The following CCDC138 variants were observed in gnomAD, a reference collection of about 807,000 sequenced individuals.
CCDC138 encodes coiled-coil domain-containing protein 138.
CCDC138 carries 66 observed loss-of-function variants against 82.3 expected under a neutral mutation model. That is an observed-to-expected ratio of 0.80 (90% CI 0.66 to 0.98). CCDC138 has a LOEUF of 0.98. CCDC138 is among the 50% of genes least tolerant of loss of function. The pLI is 0.00. For missense variants in CCDC138, 816 were observed against 758.9 expected, an observed-to-expected ratio of 1.08 and a Z score of -0.88; for synonymous variants, 297 against 265.4, an observed-to-expected ratio of 1.12 and a Z score of -1.16.
intron 10 of CCDC138, 174 bp from the exon 11 acceptor site, chr2:108,839,010 TA>T (rs1338871146): frequency 4.4e-6 from 1 of 225,052 alleles, no homozygotes; most frequent in Non-Finnish European, 7.4e-6. Flanking sequence ...ATATAAGAAC[TA>T]AAATACATAT....
At chr2:108,873,282 T>G in intron 13 of CCDC138, 169 bp from the exon 14 acceptor site, 1 of 211,684 alleles carries the variant, frequency 4.7e-6, no homozygotes, top group Non-Finnish European at 6.9e-6. Flanking sequence ...AGCCAGTGGA[T>G]GTTTTAATTT....
intron 1 of CCDC138, among the ~76,000 whole-genome samples, chr2:108,787,543 A>C (rs1334650384): frequency 6.6e-6 from 1 of 152,226 alleles, no homozygotes; most frequent in Non-Finnish European, 1.5e-5. Flanking sequence ...AATATTTGGT[A>C]ATCTAGAGTT....
At chr2:108,830,925 A>G (rs180989987) in intron 10 of CCDC138, among the ~76,000 whole-genome samples, 31 of 152,280 alleles carry the variant, frequency 2.0e-4, no homozygotes, top group African/African-American at 7.2e-4. Flanking sequence ...CTGTAGTCCC[A>G]GCACTTTGGG....
chr2:108,789,212 A>G (rs924721407), intron 3 of CCDC138, among the ~76,000 whole-genome samples: 3 of 152,232 alleles, frequency 2.0e-5, no homozygotes, highest in African/African-American at 7.2e-5. Context: ...TATATAATGT[A>G]AAAGATGAAA....
At chr2:108,796,088 G>T (rs1207395326) in intron 5 of CCDC138, among the ~76,000 whole-genome samples, 2 of 152,086 alleles carry the variant, frequency 1.3e-5, no homozygotes, top group African/African-American at 2.4e-5. Flanking sequence ...CTCACTCTGT[G>T]CCCAGGCTGG....
At chr2:108,790,468 T>A (rs1056776040) in intron 3 of CCDC138, among the ~76,000 whole-genome samples, 1 of 152,170 alleles carries the variant, frequency 6.6e-6, no homozygotes, top group Non-Finnish European at 1.5e-5. Context: ...TATTGAGTAC[T>A]TGAAATGGGG....
chr2:108,834,071 G>A (rs892742874), intron 10 of CCDC138, among the ~76,000 whole-genome samples: 2 of 151,062 alleles, frequency 1.3e-5, no homozygotes, highest in Admixed American at 6.6e-5. Context: ...TTTTGCAGTA[G>A]ATCGAATAAT....
At chr2:108,789,328 C>T (rs1679515744) in intron 3 of CCDC138, among the ~76,000 whole-genome samples, 1 of 152,130 alleles carries the variant, frequency 6.6e-6, no homozygotes, top group Non-Finnish European at 1.5e-5. Flanking sequence ...TGCGGTGGCT[C>T]ACGCCTGTAA....
chr2:108,810,904 A>T lies in CCDC138; in HGVS notation c.856-1727A>T, dbSNP rs1447611046. 2.6e-5 allele frequency among the ~76,000 whole-genome samples: 4 copies of T among 152,088 alleles called. No homozygotes were observed. In the South Asian group the frequency reaches 8.3e-4, roughly 32 times the overall value. ...CTAGTTTTCTGTTTCTTCTTGGTTC[A>T]GTCTTACGTTATATGTGCCTAGGAG... On this transcript the variant is annotated intron_variant, in intron 7 of 14. Coordinates refer to ENST00000295124, the MANE Select transcript of CCDC138 (RefSeq NM_144978.3).
chr2:108,787,087 C>A (rs62151258), intron 1 of CCDC138, among the ~76,000 whole-genome samples, 172 bp downstream of exon 1: 7 of 151,848 alleles, frequency 4.6e-5, no homozygotes, highest in Non-Finnish European at 1.0e-4. Context: ...GCGGGCGTTG[C>A]GCTGCGGGGG....
intron 10 of CCDC138, among the ~76,000 whole-genome samples, chr2:108,831,047 T>TGC (rs1465156960): frequency 6.6e-6 from 1 of 151,856 alleles, no homozygotes; most frequent in Non-Finnish European, 1.5e-5. Context: ...TGGTGGTGCA[T>TGC]AACTGTAATC....
rs1458942799 is a variant in CCDC138 at position 108,815,938 on chromosome 2, T to C, written c.1042-3T>C. The C allele has an allele frequency of 4.4e-6, 7 of 1,599,442 alleles. No individual in the cohort carries two copies. Among genetic ancestry groups the C allele is most frequent in the African/African-American group, 1.4e-5 (1 of 74,036 alleles). On this transcript the variant is annotated splice_polypyrimidine_tract_variant and splice_region_variant and intron_variant, in intron 9 of 14. Coordinates refer to ENST00000295124, the MANE Select transcript of CCDC138 (RefSeq NM_144978.3). ...AATAAATGATTTAATTTTTGACATA[T>C]AGGTACCACTTAATGGGCAAGTTTA...
chr2:108,882,167 AG>A (rs1167884746), intron 1 of CCDC138: 4 of 152,434 alleles, frequency 2.6e-5, no homozygotes, highest in South Asian at 2.1e-4. Context: ...AAAAAAAAAA[AG>A]AAAAAATAGA....
chr2:108,881,116 T>C (rs1696279242), downstream of CCDC138, among the ~76,000 whole-genome samples: 1 of 152,232 alleles, frequency 6.6e-6, no homozygotes, highest in African/African-American at 2.4e-5. Flanking sequence ...GGTCTTCCAA[T>C]AGAAGGCTGT....
At chr2:108,793,729 T>C (rs1393037749) in intron 4 of CCDC138, among the ~76,000 whole-genome samples, 1 of 151,860 alleles carries the variant, frequency 6.6e-6, no homozygotes, top group East Asian at 2.0e-4. Context: ...CCCGAGTAGC[T>C]GGGACTACAG....
intron 10 of CCDC138, among the ~76,000 whole-genome samples, chr2:108,827,110 C>G (rs1307182401): frequency 6.6e-6 from 1 of 152,078 alleles, no homozygotes; most frequent in African/African-American, 2.4e-5. Flanking sequence ...ACTGTCACCT[C>G]TATTATTTAA....
intron 7 of CCDC138, among the ~76,000 whole-genome samples, chr2:108,808,114 G>A (rs1037434023): frequency 1.3e-5 from 2 of 152,120 alleles, no homozygotes; most frequent in Non-Finnish European, 2.9e-5. Flanking sequence ...GTGTGGTAAG[G>A]TCTTTCAGGT....
intron 11 of CCDC138, among the ~76,000 whole-genome samples, chr2:108,843,012 C>T (rs2150519758): frequency 6.6e-6 from 1 of 152,258 alleles, no homozygotes; most frequent in Middle Eastern, 3.4e-3. Flanking sequence ...ATTTATAGAA[C>T]TCAAGAAGAG....
chr2:108,815,479 T>G (rs111373231), intron 9 of CCDC138, among the ~76,000 whole-genome samples: 6 of 144,270 alleles, frequency 4.2e-5, no homozygotes, highest in African/African-American at 1.5e-4. Context: ...TTTTTTTTTT[T>G]TTTTTGAGAT....
Sources: allele counts gnomAD v4.1 joint callset (sites outside exome capture counted in the v4.1 genomes callset), GRCh38; gene constraint gnomAD v4.1.1; transcripts MANE v1.5; gene names NCBI Gene and HGNC (gene_info 2026-07-23, HGNC 2026-07-21).